Variants in MACROD2 observed in about 807,000 individuals in gnomAD.
The protein encoded by MACROD2 is ADP-ribose glycohydrolase MACROD2.
In MACROD2, 36 loss-of-function variants were observed where a neutral mutation model predicts 70.4. That is an observed-to-expected ratio of 0.51 (90% CI 0.39 to 0.68). The LOEUF (loss-of-function observed/expected upper bound fraction) is 0.68. Ranked by LOEUF, MACROD2 falls within the 30% of genes least tolerant of loss-of-function variation. The probability of loss-of-function intolerance (pLI) is 0.00; values close to 1 mark genes in which losing one functional copy is unlikely to be tolerated. For synonymous variants in MACROD2, 172 were observed against 178.8 expected (o/e 0.96, Z 0.30); for missense variants, 496 against 538.4 (o/e 0.92, Z 0.78).
intron 3 of MACROD2, among the ~76,000 whole-genome samples, chr20:14,306,045 A>T (rs145065968): frequency 1.6e-4 from 24 of 151,692 alleles, no homozygotes; most frequent in Non-Finnish European, 2.9e-4. Flanking sequence ...CATTTGTCTT[A>T]TCTCTTTTCA....
At chr20:14,563,337 A>T (rs1481443389) in intron 4 of MACROD2, among the ~76,000 whole-genome samples, 3 of 151,948 alleles carry the variant, frequency 2.0e-5, no homozygotes, top group Non-Finnish European at 4.4e-5. Flanking sequence ...TCCAAAAGGG[A>T]ATGGAATTTA....
intron 6 of MACROD2, among the ~76,000 whole-genome samples, chr20:15,385,307 G>A (rs1325401040): frequency 6.6e-6 from 1 of 152,150 alleles, no homozygotes; most frequent in Admixed American, 6.5e-5. Flanking sequence ...CAAAATGACT[G>A]TTTTTGGACT....
chr20:14,403,748 G>A (rs1288222197), intron 3 of MACROD2, among the ~76,000 whole-genome samples: 4 of 152,096 alleles, frequency 2.6e-5, no homozygotes, highest in African/African-American at 4.8e-5. Context: ...TTGCAATTGG[G>A]CAGTGTACCC....
At chr20:15,937,410 A>G (rs1046510090) in intron 11 of MACROD2, 66 bp from the exon 12 acceptor site, 5 of 1,454,330 alleles carry the variant, frequency 3.4e-6, no homozygotes, top group Non-Finnish European at 3.9e-6. Context: ...GGTGCAGGGC[A>G]GGAAAGCCAC....
intron 3 of MACROD2, among the ~76,000 whole-genome samples, chr20:14,462,948 T>TAGTTTGAAGTC (rs1401398463): frequency 6.6e-6 from 1 of 152,116 alleles, no homozygotes; most frequent in Non-Finnish European, 1.5e-5. Flanking sequence ...CCTTGTAGTA[T>TAGTTTGAAGTC]AGTTTGAAGT....
At chr20:14,279,584 A>G (rs2082288277) in intron 3 of MACROD2, among the ~76,000 whole-genome samples, 2 of 152,182 alleles carry the variant, frequency 1.3e-5, no homozygotes, top group African/African-American at 4.8e-5. Context: ...CAGATGGAGA[A>G]TTTAAGTCTC....
intron 3 of MACROD2, among the ~76,000 whole-genome samples, chr20:14,375,365 G>A (rs890653246): frequency 5.9e-5 from 9 of 152,148 alleles, no homozygotes; most frequent in Admixed American, 2.6e-4. Context: ...ACAGAATTAT[G>A]TTTAAGCAGT....
At chr20:14,372,882 G>A (rs986204556) in intron 3 of MACROD2, among the ~76,000 whole-genome samples, 12 of 152,194 alleles carry the variant, frequency 7.9e-5, no homozygotes, top group East Asian at 5.8e-4. Flanking sequence ...TTCTGGTCTC[G>A]CCTTATTCTA....
chr20:14,617,878 G>A (rs1983571695), intron 4 of MACROD2, among the ~76,000 whole-genome samples: 1 of 152,236 alleles, frequency 6.6e-6, no homozygotes, highest in African/African-American at 2.4e-5. Context: ...AGAGGGGAGA[G>A]GAATGCTTTG....
At chr20:15,995,250 A>G (rs1206802502) in intron 15 of MACROD2, among the ~76,000 whole-genome samples, 1 of 152,038 alleles carries the variant, frequency 6.6e-6, no homozygotes, top group Non-Finnish European at 1.5e-5. Flanking sequence ...TATAGACACT[A>G]TCACTGAAAC....
At chr20:15,911,180 C>T (rs966927787) in intron 10 of MACROD2, among the ~76,000 whole-genome samples, 1 of 152,182 alleles carries the variant, frequency 6.6e-6, no homozygotes, top group Non-Finnish European at 1.5e-5. Flanking sequence ...CACATGGCAA[C>T]TCTGGGACCG....
chr20:15,377,517 A>G (rs2045579754), intron 6 of MACROD2, among the ~76,000 whole-genome samples: 1 of 152,300 alleles, frequency 6.6e-6, no homozygotes, highest in East Asian at 1.9e-4. Flanking sequence ...AGTATTTCTC[A>G]TTTATCTTTC....
In MACROD2 at chr20:15,184,615, G is replaced by A. The variant is rs137978377; in HGVS notation, c.419-45325G>A. On this transcript the variant is annotated intron_variant, in intron 5 of 17. Coordinates refer to ENST00000684519, the MANE Select transcript of MACROD2 (RefSeq NM_001351661.2). Reference sequence around the variant, plus strand: ...CAAAAGAGAGAAAATAAAGGATAACGTGGAATATTTCATGGCTGGACCTGA... The same window carrying A: ...CAAAAGAGAGAAAATAAAGGATAACATGGAATATTTCATGGCTGGACCTGA... 2.2e-3 allele frequency among the ~76,000 whole-genome samples: 333 copies of A among 152,266 alleles called. 1 individual carries two copies. The highest frequency in any genetic ancestry group is 7.7e-3 in the African/African-American group (318 of 41,558).
At chr20:15,911,792 G>A (rs773996653) in intron 10 of MACROD2, among the ~76,000 whole-genome samples, 5 of 152,168 alleles carry the variant, frequency 3.3e-5, no homozygotes, top group Admixed American at 1.3e-4. Context: ...AGAATAGGGC[G>A]TACAGGAAGT....
At chr20:14,702,255 G>A (rs2071205027) in intron 5 of MACROD2, among the ~76,000 whole-genome samples, 1 of 150,200 alleles carries the variant, frequency 6.7e-6, no homozygotes, top group Non-Finnish European at 1.5e-5. Context: ...TTAACATTTT[G>A]CCTCTTTATT....
In MACROD2 at chr20:14,507,351, AAGT is replaced by A. The variant is rs2084979839; in HGVS notation, c.301+13846_301+13848del. ...AACTCAGAAAGTAAAAACAGCTGAA[AAGT>A]AGAATGGTGATCACCAGAGACCAGT... On this transcript the variant is annotated intron_variant, in intron 4 of 17. Transcript: ENST00000684519. Among the ~76,000 whole-genome samples the A allele has an allele frequency of 2.6e-5, 4 of 152,306 alleles. No individual in the cohort carries two copies. The South Asian group carries it at 8.3e-4, about 32-fold the overall frequency.
intron 5 of MACROD2, among the ~76,000 whole-genome samples, chr20:14,838,827 T>G (rs950481448): frequency 6.6e-6 from 1 of 152,086 alleles, no homozygotes; most frequent in African/African-American, 2.4e-5. Context: ...ATGGCGTAGA[T>G]TAAATCCCTA....
chr20:15,310,129 C>T (rs922821467), intron 6 of MACROD2, among the ~76,000 whole-genome samples: 4 of 152,172 alleles, frequency 2.6e-5, no homozygotes, highest in African/African-American at 4.8e-5. Context: ...ATACTCATTT[C>T]TCAGGGTTGT....
At chr20:15,175,363 G>A (rs887829876) in intron 5 of MACROD2, among the ~76,000 whole-genome samples, 1 of 151,714 alleles carries the variant, frequency 6.6e-6, no homozygotes, top group African/African-American at 2.4e-5. Context: ...CACCAGCATG[G>A]CACATGTATA....
Sources: gnomAD v4.1 joint callset for allele counts (sites outside exome capture counted in the v4.1 genomes callset) on GRCh38, gnomAD v4.1.1 for gene constraint, MANE v1.5 for transcripts, NCBI Gene and HGNC (gene_info 2026-07-23, HGNC 2026-07-21) for gene names.